Variants in CLMN observed in about 807,000 individuals in gnomAD.
CLMN encodes calmin.
Under a neutral mutation model 92.7 loss-of-function variants are expected in CLMN, and 57 were observed. That is an observed-to-expected ratio of 0.61 (90% CI 0.50 to 0.77). The LOEUF (loss-of-function observed/expected upper bound fraction) is 0.77, where lower values mean the gene tolerates loss of function less well. Ranked by LOEUF, CLMN falls within the 30% of genes least tolerant of loss-of-function variation. The pLI, the probability that CLMN is intolerant of heterozygous loss-of-function variation, is 0.00. For missense variants in CLMN, 1,158 were observed against 1,237.5 expected, an observed-to-expected ratio of 0.94 and a Z score of 0.96; for synonymous variants, 466 against 470.6, an observed-to-expected ratio of 0.99 and a Z score of 0.13.
chr14:95,221,852 G>GT, intron 3 of CLMN, 78 bp from the exon 4 acceptor site: 5 of 1,370,958 alleles, frequency 3.6e-6, no homozygotes, highest in Non-Finnish European at 4.0e-6. Flanking sequence ...GCTGCTGGGT[G>GT]TGCTTTACTT....
chr14:95,242,504 C>T (rs560609877), intron 1 of CLMN, among the ~76,000 whole-genome samples: 172 of 152,174 alleles, frequency 1.1e-3, no homozygotes, highest in African/African-American at 4.0e-3. Context: ...AAGTGATCCA[C>T]CTGCCTTGGC....
At chr14:95,222,678 G>T (rs1287518157) in intron 3 of CLMN, 2 of 448,088 alleles carry the variant, frequency 4.5e-6, no homozygotes, top group Admixed American at 4.8e-5. Context: ...AGTCTTTTGG[G>T]GACCGTGCTC....
chr14:95,319,369 A>C (rs1595132521), intron 1 of CLMN, among the ~76,000 whole-genome samples: 1 of 149,996 alleles, frequency 6.7e-6, no homozygotes, highest in East Asian at 2.0e-4. Flanking sequence ...CCCCTCCCTA[A>C]CCTGGGCCAC....
chr14:95,295,185 A>G (rs1595106372), intron 1 of CLMN, among the ~76,000 whole-genome samples: 1 of 152,330 alleles, frequency 6.6e-6, no homozygotes, highest in Non-Finnish European at 1.5e-5. Context: ...AGTCATGATT[A>G]CAGGGTGGAG....
chr14:95,291,606 C>T (rs1900570271), intron 1 of CLMN, among the ~76,000 whole-genome samples: 1 of 152,192 alleles, frequency 6.6e-6, no homozygotes, highest in Non-Finnish European at 1.5e-5. Context: ...AATGGGGAGC[C>T]CTGTCCTCCT....
chr14:95,184,028 T>C lies in CLMN; in HGVS notation c.*7536A>G, dbSNP rs1896385053. 1 of 152,160 alleles carries C rather than the reference T, an allele frequency of 6.6e-6. No individual in the cohort carries two copies. The highest frequency in any genetic ancestry group is 1.5e-5 in the Non-Finnish European group (1 of 68,036). The allele number at this position is 152,160 out of a possible 1,614,324, so 9.4% of individuals were successfully genotyped here. On this transcript the variant is annotated 3_prime_UTR_variant, in exon 13 of 13. Transcript: ENST00000298912. ...GGAGAGAGGTTGGAAGAAGCTATGG[T>C]ACACTAAGGGTTAGGGAAAGAGGTA... is the stretch of plus-strand genomic sequence containing the variant.
intron 1 of CLMN, among the ~76,000 whole-genome samples, chr14:95,257,088 A>C (rs10132590): frequency 6.6e-6 from 1 of 152,052 alleles, no homozygotes; most frequent in African/African-American, 2.4e-5. Flanking sequence ...TCAGACCAAA[A>C]ATATTTAATA....
chr14:95,284,121 G>A (rs1900248642), intron 1 of CLMN, among the ~76,000 whole-genome samples: 1 of 152,214 alleles, frequency 6.6e-6, no homozygotes. Flanking sequence ...GTGGAAAGGG[G>A]CCAATGTACA....
chr14:95,264,456 T>C (rs1899388846), intron 1 of CLMN, among the ~76,000 whole-genome samples: 1 of 152,128 alleles, frequency 6.6e-6, no homozygotes, highest in Non-Finnish European at 1.5e-5. Flanking sequence ...ATTCAGTCTT[T>C]AAGCTCAGGG....
At chr14:95,201,782 A>T (rs1304628021) in intron 9 of CLMN, among the ~76,000 whole-genome samples, 1 of 137,744 alleles carries the variant, frequency 7.3e-6, no homozygotes, top group Non-Finnish European at 1.5e-5. Context: ...CCCTGTGTCC[A>T]TGTGTTCTCA....
chr14:95,248,565 C>A (rs1175981887), intron 1 of CLMN, among the ~76,000 whole-genome samples: 1 of 152,202 alleles, frequency 6.6e-6, no homozygotes, highest in Non-Finnish European at 1.5e-5. Context: ...TCCCAGTAAA[C>A]CACAAGGAAA....
intron 1 of CLMN, among the ~76,000 whole-genome samples, chr14:95,236,300 CGG>C (rs560818149): frequency 1.3e-5 from 2 of 152,146 alleles, no homozygotes; most frequent in Non-Finnish European, 2.9e-5. Flanking sequence ...TTCAGCCAGG[CGG>C]GGGGTCTCAA....
At chr14:95,205,929 T>C (rs1361419860) in intron 8 of CLMN, among the ~76,000 whole-genome samples, 1 of 152,086 alleles carries the variant, frequency 6.6e-6, no homozygotes, top group Admixed American at 6.6e-5. Flanking sequence ...ATCAGACCAA[T>C]GGAAAACAAT....
intron 1 of CLMN, among the ~76,000 whole-genome samples, chr14:95,268,523 C>A (rs1899569996): frequency 6.6e-6 from 1 of 152,112 alleles, no homozygotes; most frequent in South Asian, 2.1e-4. Flanking sequence ...GGGGGCATGA[C>A]TATAAAAGGG....
At chr14:95,195,025 T>A (rs1390059585) in intron 10 of CLMN, among the ~76,000 whole-genome samples, 1 of 152,212 alleles carries the variant, frequency 6.6e-6, no homozygotes, top group African/African-American at 2.4e-5. Context: ...CAAGTGGGAA[T>A]GCTTGCCTCG....
intron 1 of CLMN, among the ~76,000 whole-genome samples, chr14:95,304,516 C>T (rs148570763): frequency 1.2e-4 from 18 of 152,126 alleles, no homozygotes; most frequent in South Asian, 4.2e-4. Context: ...AAGAACCAGC[C>T]GGATCCGTGC....
intron 1 of CLMN, among the ~76,000 whole-genome samples, chr14:95,245,207 A>T (rs866438707): frequency 8.2e-5 from 2 of 24,494 alleles, no homozygotes; most frequent in African/African-American, 1.9e-4. Flanking sequence ...ATATATATAT[A>T]TTATATATAT....
chr14:95,215,700 C>T lies in CLMN; in HGVS notation c.358G>A (p.Ala120Thr), dbSNP rs558217111. Residue 120 changes from alanine (A) to threonine (T), a missense_variant, in exon 5 of 13, where the codon GCA (alanine) becomes ACA (threonine). Ala to Thr is a moderately conservative substitution (Grantham distance 58). Coordinates refer to ENST00000298912, the MANE Select transcript of CLMN (RefSeq NM_024734.4). ...AGAACCAAAGAAGGGTTGCCATCTG[C>T]TATTTCTGCTGCATCAATGCTAACC... Reference protein sequence around the residue: ...KLVSIDAAEIADGNPSLVLGL... With the variant: ...KLVSIDAAEITDGNPSLVLGL... The T allele has an allele frequency of 6.2e-7, 1 of 1,614,158 alleles. No individual in the cohort carries two copies. The highest frequency in any genetic ancestry group is 1.3e-5 in the African/African-American group (1 of 75,044).
chr14:95,194,581 G>A lies in CLMN; in HGVS notation c.2724C>T (p.Asp908=), dbSNP rs1896649362. 2 of 1,614,076 alleles carry A rather than the reference G, an allele frequency of 1.2e-6. No homozygotes were observed. The highest frequency in any genetic ancestry group is 1.7e-6 in the Non-Finnish European group (2 of 1,180,036). ...YSIPSRTSHS[D]SSIYLRRHTH... ...TATGTCGTCGAAGGTAAATGCTGGA[G>A]TCACTGTGACTAGTCCTGAAAAACA... Residue 908 remains aspartate (D), a synonymous_variant, in exon 11 of 13, where the codon GAC becomes GAT. Coordinates refer to ENST00000298912, the MANE Select transcript of CLMN (RefSeq NM_024734.4). The surrounding 1 kb of genome is among the most constrained non-coding windows in gnomAD (Gnocchi z 4.0).
Sources: allele counts gnomAD v4.1 joint callset (sites outside exome capture counted in the v4.1 genomes callset), GRCh38; gene constraint gnomAD v4.1.1; non-coding constraint Gnocchi (gnomAD v3.1); transcripts MANE v1.5; gene names NCBI Gene and HGNC (gene_info 2026-07-23, HGNC 2026-07-21).